CAP2: variants seen among roughly 807,000 people sequenced by gnomAD.
The protein encoded by CAP2 is adenylyl cyclase-associated protein 2.
In CAP2, 24 loss-of-function variants were observed where a neutral mutation model predicts 57.7. The ratio of observed to expected loss-of-function variants is 0.42; its 90% CI spans 0.30 to 0.58. The LOEUF (loss-of-function observed/expected upper bound fraction) is 0.58, where lower values mean the gene tolerates loss of function less well. Ranked by LOEUF, CAP2 falls within the 20% of genes least tolerant of loss-of-function variation. The probability of loss-of-function intolerance (pLI) is 0.22; values close to 1 mark genes in which losing one functional copy is unlikely to be tolerated. For synonymous variants in CAP2, 194 were observed against 207.2 expected, an observed-to-expected ratio of 0.94 and a Z score of 0.55; for missense variants, 501 against 590.3, an observed-to-expected ratio of 0.85 and a Z score of 1.57.
At chr6:17,553,021 T>G (rs1481859170) in intron 12 of CAP2, among the ~76,000 whole-genome samples, 3 of 152,184 alleles carry the variant, frequency 2.0e-5, no homozygotes, top group Non-Finnish European at 4.4e-5. Context: ...GAGTCCTCTC[T>G]TGGGCCCTCC....
At chr6:17,476,060 C>G (rs181284639) in intron 4 of CAP2, among the ~76,000 whole-genome samples, 1 of 152,160 alleles carries the variant, frequency 6.6e-6, no homozygotes, top group South Asian at 2.1e-4. Context: ...ATTTCCCATA[C>G]GAGCAGGGTT....
intron 11 of CAP2, 63 bp downstream of exon 11, chr6:17,543,206 G>A (rs373123548): frequency 6.5e-6 from 9 of 1,382,978 alleles, no homozygotes; most frequent in Non-Finnish European, 7.2e-6. Flanking sequence ...GCTGTAATAA[G>A]CAGAGCCTTT....
intron 4 of CAP2, among the ~76,000 whole-genome samples, chr6:17,485,673 A>T (rs115048607): frequency 0.015 from 2,250 of 152,332 alleles, 58 homozygotes; most frequent in African/African-American, 0.05. Flanking sequence ...TTTCCAAAAA[A>T]TATATGCATT....
intron 4 of CAP2, among the ~76,000 whole-genome samples, chr6:17,466,193 A>G (rs1447901549): frequency 3.9e-5 from 6 of 152,346 alleles, no homozygotes; most frequent in Non-Finnish European, 5.9e-5. Flanking sequence ...AACAATTATT[A>G]TAACCATTTG....
Position 17,464,887 on chromosome 6 carries a change from G to A in CAP2, c.300+1814G>A, listed in dbSNP as rs563287121. On this transcript the variant is annotated intron_variant, in intron 4 of 12. Transcript: ENST00000229922. ...TTTCTGTGAAGTGGGAGGAGAGGTG[G>A]TCCAATTGAGATTCTCAGGTAGAAG... Among the ~76,000 whole-genome samples, 3 of 152,294 alleles carry A rather than the reference G, an allele frequency of 2.0e-5. No individual in the cohort carries two copies. The South Asian group carries it at 6.2e-4, about 32-fold the overall frequency.
intron 4 of CAP2, among the ~76,000 whole-genome samples, chr6:17,474,459 C>T (rs1424849998): frequency 6.6e-6 from 1 of 152,162 alleles, no homozygotes; most frequent in Admixed American, 6.5e-5. Context: ...GTTCATCTTA[C>T]ATACTGCAGC....
intron 9 of CAP2, 98 bp from the exon 10 acceptor site, chr6:17,542,739 A>G (rs1762936182): frequency 1.1e-6 from 1 of 933,886 alleles, no homozygotes; most frequent in Non-Finnish European, 1.7e-6. Context: ...AATATATTGC[A>G]AAGCCATACT....
chr6:17,501,186 A>C (rs995299699), intron 4 of CAP2, among the ~76,000 whole-genome samples: 4 of 152,214 alleles, frequency 2.6e-5, no homozygotes, highest in Non-Finnish European at 5.9e-5. Context: ...TGTTTGAATT[A>C]AACTCTTAGA....
intron 3 of CAP2, among the ~76,000 whole-genome samples, chr6:17,441,988 G>A (rs969868831): frequency 1.3e-5 from 2 of 151,774 alleles, no homozygotes; most frequent in Non-Finnish European, 1.5e-5. Flanking sequence ...CTCTTGTTGC[G>A]TTCACTTCTT....
intron 6 of CAP2, among the ~76,000 whole-genome samples, chr6:17,511,534 C>T (rs1352301938): frequency 6.6e-6 from 1 of 152,186 alleles, no homozygotes; most frequent in African/African-American, 2.4e-5. Context: ...TCACTGCAAT[C>T]TCTGCCTCCC....
At chr6:17,506,811 G>C (rs1761998066) in intron 4 of CAP2, among the ~76,000 whole-genome samples, 1 of 152,082 alleles carries the variant, frequency 6.6e-6, no homozygotes, top group African/African-American at 2.4e-5. Flanking sequence ...CAGGATTATT[G>C]CAGTGTGTGA....
intron 1 of CAP2, among the ~76,000 whole-genome samples, chr6:17,397,172 G>T (rs982975815): frequency 3.3e-5 from 5 of 152,008 alleles, no homozygotes; most frequent in African/African-American, 1.2e-4. Flanking sequence ...AGATGCTCCC[G>T]CCTCAGCCTC....
At chr6:17,490,376 GTGT>G (rs1217123649) in intron 4 of CAP2, among the ~76,000 whole-genome samples, 6 of 152,252 alleles carry the variant, frequency 3.9e-5, no homozygotes, top group African/African-American at 1.4e-4. Flanking sequence ...TATCTTCCTG[GTGT>G]TGTTGTGGCC....
chr6:17,412,574 C>T lies in CAP2; in HGVS notation c.-1-8981C>T, dbSNP rs72833693. On this transcript the variant is annotated intron_variant, in intron 1 of 12. Coordinates refer to ENST00000229922, the MANE Select transcript of CAP2 (RefSeq NM_006366.3). Reference sequence around the variant, plus strand: ...GTTATGAGTCCTAGCCTTTTATCTTCAGACATTTCAACTTAGAGGACAAAT... The same window carrying T: ...GTTATGAGTCCTAGCCTTTTATCTTTAGACATTTCAACTTAGAGGACAAAT... Among the ~76,000 whole-genome samples, 692 of 152,230 alleles carry T rather than the reference C, an allele frequency of 4.5e-3. 2 individuals carry two copies. Among genetic ancestry groups the T allele is most frequent in the Non-Finnish European group, 6.9e-3 (470 of 68,026 alleles).
intron 5 of CAP2, 43 bp from the exon 6 acceptor site, chr6:17,507,596 ATT>A: frequency 1.8e-6 from 2 of 1,130,394 alleles, no homozygotes; most frequent in Non-Finnish European, 2.7e-6. Flanking sequence ...TTCTTATCCT[ATT>A]TTTTTTTCCT....
chr6:17,525,941 G>C lies in CAP2; in HGVS notation c.636+11987G>C, dbSNP rs139228405. 8.5e-4 allele frequency among the ~76,000 whole-genome samples: 130 copies of C among 152,238 alleles called. 1 individual carries two copies. The highest frequency in any genetic ancestry group is 2.7e-3 in the African/African-American group (111 of 41,542). ...GCAGGCTCCATTTCCAGTTCAGCCT[G>C]AGATCAGTAGCAGTGACTGGTACCC... is the stretch of plus-strand genomic sequence containing the variant. On this transcript the variant is annotated intron_variant, in intron 7 of 12. Transcript: ENST00000229922.
rs757946538 is a variant in CAP2, at chr6:17,551,600, A to G, written c.1346A>G (p.Asp449Gly). The G allele has an allele frequency of 3.7e-6, 6 of 1,603,456 alleles. No individual in the cohort carries two copies. Among genetic ancestry groups the G allele is most frequent in the Non-Finnish European group, 8.5e-7 (1 of 1,175,070 alleles). ...AACATACTTATCCCTCAGGATGGTG[A>G]TTATGTAAGTACCTTTCAAAAGGCT... ...EMNILIPQDG[D>G]YREFPIPEQF... The change falls in exon 12 of 13, where the codon GAT becomes GGT. Residue 449 changes from aspartate to glycine, a missense_variant. By Grantham distance (94) the Asp-to-Gly change is moderately conservative (BLOSUM62 -1). Transcript: ENST00000229922.
At chr6:17,496,100 T>C (rs746195303) in intron 4 of CAP2, among the ~76,000 whole-genome samples, 4 of 148,876 alleles carry the variant, frequency 2.7e-5, no homozygotes, top group Admixed American at 6.8e-5. Context: ...ATCTCCATGG[T>C]TATAAGTGAG....
chr6:17,518,928 A>T (rs1455475725), intron 7 of CAP2, among the ~76,000 whole-genome samples: 1 of 152,164 alleles, frequency 6.6e-6, no homozygotes, highest in Non-Finnish European at 1.5e-5. Context: ...GTGAGCCACC[A>T]CATCCAGCCC....
Sources: gnomAD v4.1 joint callset for allele counts (sites outside exome capture counted in the v4.1 genomes callset) on GRCh38, gnomAD v4.1.1 for gene constraint, MANE v1.5 for transcripts, NCBI Gene and HGNC (gene_info 2026-07-23, HGNC 2026-07-21) for gene names.